The following XKR9 variants were observed in gnomAD, a reference collection of about 807,000 sequenced individuals.
XKR9 encodes the protein XK related 9.
XKR9 carries 32 observed loss-of-function variants against 32.0 expected under a neutral mutation model. That is an observed-to-expected ratio of 1.00 (90% CI 0.76 to 1.34). XKR9 has a LOEUF of 1.34. Among genes scored for constraint, XKR9 ranks in the 40% most tolerant of loss-of-function variants. The probability of loss-of-function intolerance (pLI) is 0.00; values close to 1 mark genes in which losing one functional copy is unlikely to be tolerated. For synonymous variants in XKR9, 168 were observed against 143.4 expected, an observed-to-expected ratio of 1.17 and a Z score of -1.22; for missense variants, 546 against 429.7, an observed-to-expected ratio of 1.27 and a Z score of -2.39.
the XKR9 span, among the ~76,000 whole-genome samples, chr8:70,921,168 G>A: frequency 6.6e-6 from 1 of 152,238 alleles, no homozygotes. Context: ...TGTAATAGGA[G>A]CACAAAAAGA....
chr8:70,827,860 G>C, the XKR9 span, among the ~76,000 whole-genome samples: 1 of 152,100 alleles, frequency 6.6e-6, no homozygotes, highest in Non-Finnish European at 1.5e-5. Context: ...TTGATTTATG[G>C]TTTATATGGA....
At chr8:70,891,584 A>T in the XKR9 span, among the ~76,000 whole-genome samples, 10 of 151,948 alleles carry the variant, frequency 6.6e-5, no homozygotes, top group East Asian at 1.9e-3. Context: ...ATTTTTATGT[A>T]TTTGTACTAT....
At chr8:70,859,522 A>G in the XKR9 span, among the ~76,000 whole-genome samples, 1 of 152,168 alleles carries the variant, frequency 6.6e-6, no homozygotes, top group African/African-American at 2.4e-5. Flanking sequence ...GAAGATCATT[A>G]TATTGAAAAG....
chr8:70,867,514 C>T, the XKR9 span, among the ~76,000 whole-genome samples: 1 of 152,120 alleles, frequency 6.6e-6, no homozygotes, highest in Non-Finnish European at 1.5e-5. Flanking sequence ...TGCAGTGGCA[C>T]CATCTTGGCT....
chr8:70,674,165 T>A (rs937033231), intron 1 of XKR9, among the ~76,000 whole-genome samples: 2 of 151,958 alleles, frequency 1.3e-5, no homozygotes, highest in Non-Finnish European at 2.9e-5. Flanking sequence ...CAAGACCTTG[T>A]CTCTTAAAAA....
At chr8:70,831,724 A>C in the XKR9 span, among the ~76,000 whole-genome samples, 1 of 152,162 alleles carries the variant, frequency 6.6e-6, no homozygotes, top group Non-Finnish European at 1.5e-5. Flanking sequence ...TGCTTCATAC[A>C]ATCATAATTT....
chr8:70,844,871 C>G, the XKR9 span, among the ~76,000 whole-genome samples: 1 of 152,228 alleles, frequency 6.6e-6, no homozygotes, highest in African/African-American at 2.4e-5. Flanking sequence ...ACTGCTGCTG[C>G]CATCACCCAT....
the XKR9 span, among the ~76,000 whole-genome samples, chr8:71,062,315 A>C: frequency 2.6e-5 from 4 of 152,208 alleles, no homozygotes; most frequent in Non-Finnish European, 5.9e-5. Context: ...ACTGTTCCAG[A>C]GACTGGGAAG....
rs530523302 is a variant in XKR9, at chr8:70,767,987, G to C, written n.353-21352G>C. Reference sequence around the variant, plus strand: ...CTAGCTTTTGAATTTGTTTGCTCTTGCTTCTGTAGTTCTTTAATTGAAATG... The same window carrying C: ...CTAGCTTTTGAATTTGTTTGCTCTTCCTTCTGTAGTTCTTTAATTGAAATG... On this transcript the variant is annotated intron_variant and non_coding_transcript_variant, in intron 2 of 3. Coordinates refer to the XKR9 transcript ENST00000520273. Among the ~76,000 whole-genome samples, 7 of 152,078 alleles carry C rather than the reference G, an allele frequency of 4.6e-5. No individual in the cohort carries two copies. In the South Asian group the frequency reaches 1.5e-3, roughly 32 times the overall value.
At chr8:70,862,193 G>GATC in the XKR9 span, among the ~76,000 whole-genome samples, 1 of 152,092 alleles carries the variant, frequency 6.6e-6, no homozygotes, top group Admixed American at 6.6e-5. Context: ...GAATATTTTA[G>GATC]ATCAGTCCAT....
intron 2 of XKR9, among the ~76,000 whole-genome samples, chr8:70,748,180 T>A (rs1162235684): frequency 2.6e-5 from 4 of 151,682 alleles, no homozygotes; most frequent in Non-Finnish European, 5.9e-5. Context: ...GCGGGGGAGG[T>A]GTGGCTGGGG....
At chr8:70,753,613 A>G (rs1018824557) in intron 2 of XKR9, among the ~76,000 whole-genome samples, 1 of 152,148 alleles carries the variant, frequency 6.6e-6, no homozygotes, top group Non-Finnish European at 1.5e-5. Context: ...GGTTCAATAT[A>G]TGCAAATCAA....
chr8:71,053,897 C>T, the XKR9 span, among the ~76,000 whole-genome samples: 31 of 152,334 alleles, frequency 2.0e-4, no homozygotes, highest in African/African-American at 7.2e-4. Flanking sequence ...TTTGCTTCCT[C>T]TTGAAACCCA....
the XKR9 span, among the ~76,000 whole-genome samples, chr8:70,900,727 T>A: frequency 6.6e-6 from 1 of 152,212 alleles, no homozygotes; most frequent in Non-Finnish European, 1.5e-5. Flanking sequence ...TTGTTACATA[T>A]GTACACATGT....
chr8:70,781,950 A>C (rs1807623110), intron 2 of XKR9, among the ~76,000 whole-genome samples: 1 of 152,224 alleles, frequency 6.6e-6, no homozygotes. Flanking sequence ...AAAACAAAGA[A>C]AAGCCCTTGG....
At chr8:70,985,022 A>G in the XKR9 span, among the ~76,000 whole-genome samples, 1 of 152,234 alleles carries the variant, frequency 6.6e-6, no homozygotes, top group African/African-American at 2.4e-5. Context: ...GGTATAACTA[A>G]TAATAAATTA....
At chr8:70,794,967 TTTG>T (rs1807810289), downstream of XKR9, among the ~76,000 whole-genome samples, 1 of 152,068 alleles carries the variant, frequency 6.6e-6, no homozygotes, top group African/African-American at 2.4e-5. Flanking sequence ...AATTATTCTT[TTTG>T]TTGTTGTTTA....
At chr8:70,912,937 T>C in the XKR9 span, among the ~76,000 whole-genome samples, 2 of 152,146 alleles carry the variant, frequency 1.3e-5, no homozygotes, top group African/African-American at 4.8e-5. Flanking sequence ...TAACAAAGAA[T>C]ACTAACCTTT....
At chr8:70,727,184 T>C (rs1178472712) in intron 4 of XKR9, among the ~76,000 whole-genome samples, 1 of 152,192 alleles carries the variant, frequency 6.6e-6, no homozygotes, top group Admixed American at 6.5e-5. Context: ...TTTTTATCTT[T>C]TAGTTCCATT....
Sources: gnomAD v4.1 joint callset for allele counts (sites outside exome capture counted in the v4.1 genomes callset) on GRCh38, gnomAD v4.1.1 for gene constraint, MANE v1.5 for transcripts, NCBI Gene and HGNC (gene_info 2026-07-23, HGNC 2026-07-21) for gene names.